Variants in CPXM2 observed in about 807,000 individuals in gnomAD.
CPXM2 encodes carboxypeptidase X, M14 family member 2.
Under a neutral mutation model 86.1 loss-of-function variants are expected in CPXM2, and 66 were observed. That is an observed-to-expected ratio of 0.77 (90% CI 0.63 to 0.94). The LOEUF is 0.94. CPXM2 is among the 40% of genes least tolerant of loss of function. The pLI is 0.00. For synonymous variants in CPXM2, 388 were observed against 400.2 expected (o/e 0.97, Z 0.36); for missense variants, 948 against 1,026.3 (o/e 0.92, Z 1.04).
chr10:123,801,294 C>CA (rs1477349833), intron 4 of CPXM2, among the ~76,000 whole-genome samples: 1 of 152,182 alleles, frequency 6.6e-6, no homozygotes, highest in East Asian at 1.9e-4. Context: ...TGCCTGCCGC[C>CA]AGGTGAGACA....
At chr10:123,765,668 G>A (rs1846454632) in intron 10 of CPXM2, among the ~76,000 whole-genome samples, 1 of 152,188 alleles carries the variant, frequency 6.6e-6, no homozygotes, top group African/African-American at 2.4e-5. Context: ...CTAGTCTACT[G>A]CCCACATCAG....
At chr10:123,772,394 A>C (rs962436254) in intron 7 of CPXM2, among the ~76,000 whole-genome samples, 1 of 151,730 alleles carries the variant, frequency 6.6e-6, no homozygotes, top group African/African-American at 2.4e-5. Flanking sequence ...TGTGATCATC[A>C]CCTGCCTTGT....
chr10:123,844,857 G>C (rs1195660603), intron 3 of CPXM2, among the ~76,000 whole-genome samples: 4 of 152,022 alleles, frequency 2.6e-5, no homozygotes, highest in African/African-American at 9.7e-5. Context: ...ATACCTTTGG[G>C]AGGTGAGGGT....
chr10:123,817,542 G>A (rs113003920), intron 4 of CPXM2, among the ~76,000 whole-genome samples: 1 of 152,284 alleles, frequency 6.6e-6, no homozygotes, highest in South Asian at 2.1e-4. Flanking sequence ...GGTGCTTTCT[G>A]ACCCATCTAG....
intron 2 of CPXM2, among the ~76,000 whole-genome samples, chr10:123,897,961 G>A (rs1340901532): frequency 6.6e-6 from 1 of 152,204 alleles, no homozygotes; most frequent in Non-Finnish European, 1.5e-5. Context: ...TGAAACAGCA[G>A]TGCCAAATGC....
At chr10:123,856,677 A>G (rs572859568) in intron 3 of CPXM2, among the ~76,000 whole-genome samples, 28 of 151,984 alleles carry the variant, frequency 1.8e-4, no homozygotes, top group African/African-American at 6.3e-4. Context: ...CTGCAACCTC[A>G]GCCTCCCAGG....
At chr10:123,940,997 C>A (rs1016078927), upstream of CPXM2, among the ~76,000 whole-genome samples, 1 of 150,470 alleles carries the variant, frequency 6.6e-6, no homozygotes, top group Non-Finnish European at 1.5e-5. Flanking sequence ...CAGTGAAAGC[C>A]CGTCTCTACT....
Position 123,762,116 on chromosome 10 carries a change from C to G in CPXM2, c.1533G>C (p.Val511=), listed in dbSNP as rs775790655. 6.2e-7 allele frequency: 1 copy of G among 1,614,158 alleles called. No homozygotes were observed. Among genetic ancestry groups the G allele is most frequent in the South Asian group, 1.1e-5 (1 of 91,076 alleles). Residue 511 remains valine, a synonymous_variant, in exon 11 of 14, where the codon GTG becomes GTC. Transcript: ENST00000241305. ...CGCCGCCCTGCAGGTTGCCGCCCAG[C>G]ACAAAAGGGATTTTTTCCATCCAGG... is the stretch of plus-strand genomic sequence containing the variant. ...VIAWMEKIPF[V]LGGNLQGGEL...
At chr10:123,809,777 T>G (rs1407933369) in intron 4 of CPXM2, among the ~76,000 whole-genome samples, 1 of 152,090 alleles carries the variant, frequency 6.6e-6, no homozygotes, top group Non-Finnish European at 1.5e-5. Context: ...CTTAGTATAC[T>G]TGGTAAAATT....
intron 2 of CPXM2, among the ~76,000 whole-genome samples, chr10:123,904,023 A>C (rs1268354497): frequency 6.6e-6 from 1 of 152,262 alleles, no homozygotes; most frequent in Non-Finnish European, 1.5e-5. Flanking sequence ...TCTTTGGAGA[A>C]AAACATAGAT....
intron 2 of CPXM2, among the ~76,000 whole-genome samples, chr10:123,903,446 T>C (rs1945402674): frequency 6.6e-6 from 1 of 150,634 alleles, no homozygotes; most frequent in Admixed American, 6.7e-5. Flanking sequence ...TGCACTGAAA[T>C]TGACTTTCAA....
intron 1 of CPXM2, among the ~76,000 whole-genome samples, chr10:123,881,779 C>T (rs966301387): frequency 7.9e-5 from 12 of 152,236 alleles, no homozygotes; most frequent in African/African-American, 2.9e-4. Context: ...AGCCACACCG[C>T]AGGTCTGCAC....
At chr10:123,835,977 C>T (rs150421482) in intron 4 of CPXM2, among the ~76,000 whole-genome samples, 16 of 152,254 alleles carry the variant, frequency 1.1e-4, no homozygotes, top group East Asian at 9.7e-4. Flanking sequence ...TCGGGCTCCC[C>T]GACGCCCTGG....
intron 7 of CPXM2, among the ~76,000 whole-genome samples, chr10:123,771,913 C>A (rs1332604317): frequency 6.6e-6 from 1 of 152,160 alleles, no homozygotes; most frequent in Non-Finnish European, 1.5e-5. Context: ...TTTCCTGAGG[C>A]CTTATCAGCC....
chr10:123,910,858 G>A (rs766194047), intron 2 of CPXM2, among the ~76,000 whole-genome samples: 7 of 152,152 alleles, frequency 4.6e-5, no homozygotes, highest in Non-Finnish European at 8.8e-5. Flanking sequence ...ATCCACTCTT[G>A]CCTCTTCCAG....
chr10:123,800,037 T>G (rs1465445529), intron 4 of CPXM2, among the ~76,000 whole-genome samples: 1 of 150,772 alleles, frequency 6.6e-6, no homozygotes, highest in Non-Finnish European at 1.5e-5. Context: ...GGTTTTTTTT[T>G]TTTTTTTTTT....
chr10:123,787,018 C>T (rs182032486), intron 6 of CPXM2, among the ~76,000 whole-genome samples: 144 of 152,242 alleles, frequency 9.5e-4, no homozygotes, highest in Non-Finnish European at 1.7e-3. Flanking sequence ...ACTTGTGTTT[C>T]TCCCAGGCAC....
At chr10:123,854,570 A>C (rs1479395101) in intron 3 of CPXM2, among the ~76,000 whole-genome samples, 1 of 150,316 alleles carries the variant, frequency 6.7e-6, no homozygotes, top group Non-Finnish European at 1.5e-5. Flanking sequence ...CCCTAATCTC[A>C]GTTTTCCGGC....
chr10:123,924,893 A>C (rs1945610999), intron 2 of CPXM2, among the ~76,000 whole-genome samples: 1 of 152,190 alleles, frequency 6.6e-6, no homozygotes. Flanking sequence ...TGATTAGAAC[A>C]AAATACCCCT....
Sources: allele counts gnomAD v4.1 joint callset (sites outside exome capture counted in the v4.1 genomes callset), GRCh38; gene constraint gnomAD v4.1.1; transcripts MANE v1.5; gene names NCBI Gene and HGNC (gene_info 2026-07-23, HGNC 2026-07-21).